Variants in UBE2F observed in about 807,000 individuals in gnomAD.
The protein encoded by UBE2F is NEDD8-conjugating enzyme UBE2F.
In UBE2F, 5 loss-of-function variants were observed where a neutral mutation model predicts 29.6. The ratio of observed to expected loss-of-function variants is 0.17; its 90% confidence interval spans 0.09 to 0.36. The LOEUF is 0.36. UBE2F is among the 10% of genes least tolerant of loss of function. The probability of loss-of-function intolerance (pLI) is 1.00; values close to 1 mark genes in which losing one functional copy is unlikely to be tolerated. For missense variants in UBE2F, 141 were observed against 228.5 expected, an observed-to-expected ratio of 0.62 and a Z score of 2.47; for synonymous variants, 66 against 81.8, an observed-to-expected ratio of 0.81 and a Z score of 1.04.
chr2:237,971,325 G>A (rs938867236), intron 1 of UBE2F, among the ~76,000 whole-genome samples: 5 of 152,092 alleles, frequency 3.3e-5, no homozygotes, highest in African/African-American at 9.7e-5. Flanking sequence ...AATTTATTTT[G>A]TTTTATTTTA....
At chr2:237,991,780 T>C (rs2063596240) in intron 3 of UBE2F, among the ~76,000 whole-genome samples, 1 of 151,796 alleles carries the variant, frequency 6.6e-6, no homozygotes, top group Non-Finnish European at 1.5e-5. Context: ...TTTTTGTATT[T>C]TTAGTGGAGA....
At chr2:237,973,511 G>A (rs1392423996) in intron 2 of UBE2F, 13 of 511,214 alleles carry the variant, frequency 2.5e-5, no homozygotes, top group Non-Finnish European at 3.7e-5. Flanking sequence ...GGTGCTGAGA[G>A]TCAGCAAAGC....
intron 5 of UBE2F, among the ~76,000 whole-genome samples, chr2:238,021,175 C>A (rs2064283315): frequency 6.6e-6 from 1 of 152,166 alleles, no homozygotes; most frequent in Non-Finnish European, 1.5e-5. Flanking sequence ...CACCACGTCT[C>A]CTCACATGTT....
intron 4 of UBE2F, among the ~76,000 whole-genome samples, chr2:237,996,135 T>A (rs1387276927): frequency 6.6e-6 from 1 of 152,212 alleles, no homozygotes; most frequent in African/African-American, 2.4e-5. Context: ...TTGAGCACAC[T>A]CTAATGCTTT....
chr2:238,034,053 C>T (rs1217165002), intron 8 of UBE2F, among the ~76,000 whole-genome samples: 1 of 151,978 alleles, frequency 6.6e-6, no homozygotes, highest in Non-Finnish European at 1.5e-5. Flanking sequence ...GGCTCCTTGG[C>T]TCTGAATAGG....
chr2:238,016,707 A>G (rs1478454530), intron 5 of UBE2F, 74 bp downstream of exon 5: 1 of 1,334,706 alleles, frequency 7.5e-7, no homozygotes, highest in East Asian at 2.3e-5. Context: ...CGCCACTGGC[A>G]CAGGGCCCTA....
intron 4 of UBE2F, among the ~76,000 whole-genome samples, chr2:238,005,982 T>A (rs2106369149): frequency 6.6e-6 from 1 of 152,330 alleles, no homozygotes; most frequent in East Asian, 1.9e-4. Context: ...GCATTGACTC[T>A]AATGTAAATC....
At chr2:237,976,911 G>C (rs1291722155) in intron 2 of UBE2F, among the ~76,000 whole-genome samples, 3 of 152,168 alleles carry the variant, frequency 2.0e-5, no homozygotes, top group Non-Finnish European at 4.4e-5. Flanking sequence ...ATTGCAGCAA[G>C]ACAGCCAGAC....
chr2:238,019,947 C>G (rs1173833819), intron 5 of UBE2F, among the ~76,000 whole-genome samples: 1 of 152,114 alleles, frequency 6.6e-6, no homozygotes, highest in Non-Finnish European at 1.5e-5. Context: ...CCATGAGCCA[C>G]TGAACCCAGC....
intron 3 of UBE2F, among the ~76,000 whole-genome samples, chr2:237,988,968 C>T (rs1233430973): frequency 1.3e-5 from 2 of 152,174 alleles, no homozygotes; most frequent in Non-Finnish European, 2.9e-5. Context: ...AGCTATCTAT[C>T]AGGCAGTTCA....
At position 238,022,842 on chromosome 2, in the gene UBE2F, T is replaced by C. The variant is rs868666301; in HGVS notation, c.283-2500T>C. Among the ~76,000 whole-genome samples, 21 of 151,976 alleles carry C rather than the reference T, an allele frequency of 1.4e-4. 1 individual carries two copies. Among genetic ancestry groups the C allele is most frequent in the Middle Eastern group, 6.3e-3 (2 of 316 alleles). On this transcript the variant is annotated intron_variant, in intron 5 of 9. Transcript: ENST00000272930. ...TGGTCTAGCTGTGGGCCACTGGGGT[T>C]GGGGGGAAGGGGCTACAGGCCTAAT...
intron 2 of UBE2F, among the ~76,000 whole-genome samples, chr2:237,980,898 A>C (rs2063365132): frequency 6.6e-6 from 1 of 152,232 alleles, no homozygotes; most frequent in Non-Finnish European, 1.5e-5. Context: ...GGGCAGGAGA[A>C]GGTGAGTACG....
At chr2:237,971,996 G>A (rs2063185232) in intron 1 of UBE2F, among the ~76,000 whole-genome samples, 1 of 152,220 alleles carries the variant, frequency 6.6e-6, no homozygotes, top group Non-Finnish European at 1.5e-5. Context: ...CCGTCTCCCA[G>A]ATAGCAAGGG....
intron 2 of UBE2F, among the ~76,000 whole-genome samples, chr2:237,976,667 G>A (rs79306349): frequency 0.02 from 2,978 of 152,234 alleles, 95 homozygotes; most frequent in African/African-American, 0.068. Context: ...ATAAGGCCCT[G>A]ATCCATTTAT....
intron 9 of UBE2F, among the ~76,000 whole-genome samples, chr2:238,037,755 G>A (rs57508757): frequency 0.31 from 47,813 of 152,084 alleles, 9,348 homozygotes; most frequent in Admixed American, 0.43. Context: ...GTGGGCATGC[G>A]CCACCACACT....
chr2:238,034,301 G>A (rs1045278716), intron 8 of UBE2F, among the ~76,000 whole-genome samples: 45 of 151,864 alleles, frequency 3.0e-4, no homozygotes, highest in African/African-American at 9.7e-4. Context: ...GGTGGCGGGC[G>A]CCTGTAATCC....
intron 3 of UBE2F, among the ~76,000 whole-genome samples, chr2:237,988,732 G>A (rs4663819): frequency 0.87 from 132,703 of 152,194 alleles, 58,101 homozygotes; most frequent in East Asian, 0.97. Context: ...ATTCTGTCCC[G>A]CATCCACTTT....
At position 238,013,604 on chromosome 2, in the gene UBE2F, A is replaced by T. The variant is rs1441936903; in HGVS notation, c.215-2962A>T. Among the ~76,000 whole-genome samples the T allele has an allele frequency of 5.3e-5, 8 of 152,290 alleles. No homozygotes were observed. The East Asian group carries it at 1.5e-3, about 29-fold the overall frequency. On this transcript the variant is annotated intron_variant, in intron 4 of 9. Coordinates refer to ENST00000272930, the MANE Select transcript of UBE2F (RefSeq NM_080678.3). Reference sequence around the variant, plus strand: ...ACAGATTTGTTACCAGACAGAGCATATGTGGATGTCGGCCATCTAGAATCT... The same window carrying T: ...ACAGATTTGTTACCAGACAGAGCATTTGTGGATGTCGGCCATCTAGAATCT...
At chr2:237,979,295 G>C (rs1229958922) in intron 2 of UBE2F, among the ~76,000 whole-genome samples, 1 of 152,334 alleles carries the variant, frequency 6.6e-6, no homozygotes, top group South Asian at 2.1e-4. Flanking sequence ...ATCTGCCTGA[G>C]CTTCCCAGTG....
Sources: gnomAD v4.1 joint callset for allele counts (sites outside exome capture counted in the v4.1 genomes callset) on GRCh38, gnomAD v4.1.1 for gene constraint, MANE v1.5 for transcripts, NCBI Gene and HGNC (gene_info 2026-07-23, HGNC 2026-07-21) for gene names.